Variants in KCNMB2 observed in about 807,000 individuals in gnomAD.
The protein encoded by KCNMB2 is calcium-activated potassium channel subunit beta-2.
KCNMB2 carries 9 observed loss-of-function variants against 24.5 expected under a neutral mutation model. That is an observed-to-expected ratio of 0.37 (90% CI 0.22 to 0.64). The LOEUF is 0.64. KCNMB2 is among the 30% of genes least tolerant of loss of function. The probability of loss-of-function intolerance (pLI) is 0.63; values close to 1 mark genes in which losing one functional copy is unlikely to be tolerated. For missense variants in KCNMB2, 226 were observed against 284.3 expected (o/e 0.79, Z 1.47); for synonymous variants, 109 against 104.4 (o/e 1.04, Z -0.27).
chr3:178,694,435 G>T (rs1721802728), intron 1 of KCNMB2, among the ~76,000 whole-genome samples: 1 of 152,096 alleles, frequency 6.6e-6, no homozygotes, highest in South Asian at 2.1e-4. Context: ...GTCCTCCAAA[G>T]TCTTAACTCA....
At chr3:178,785,088 A>G (rs1431601014) in intron 1 of KCNMB2, among the ~76,000 whole-genome samples, 1 of 152,010 alleles carries the variant, frequency 6.6e-6, no homozygotes, top group Non-Finnish European at 1.5e-5. Context: ...AAAAGAATTA[A>G]AGATGAAAAA....
intron 1 of KCNMB2, among the ~76,000 whole-genome samples, chr3:178,656,262 A>G (rs910725839): frequency 6.6e-6 from 1 of 152,206 alleles, no homozygotes; most frequent in Non-Finnish European, 1.5e-5. Flanking sequence ...TAATTCCCAA[A>G]TAAGTCCCAA....
At chr3:178,789,483 A>T (rs768725977) in intron 1 of KCNMB2, among the ~76,000 whole-genome samples, 3 of 152,228 alleles carry the variant, frequency 2.0e-5, no homozygotes, top group Non-Finnish European at 4.4e-5. Context: ...TTTTAAAATC[A>T]TAACAAGGAA....
chr3:178,655,089 GCTCTCCCTCTCTCTCTCTCTCTCTCT>G (rs1267082568), intron 1 of KCNMB2, among the ~76,000 whole-genome samples: 35 of 77,958 alleles, frequency 4.5e-4, no homozygotes, highest in Middle Eastern at 9.8e-3. Context: ...GTAAATATTA[GCTCTCCCTCTCTCTCTCTCTCTCTCT>G]CTCTCTCTCT....
intron 1 of KCNMB2, among the ~76,000 whole-genome samples, chr3:178,792,028 C>T (rs1250545679): frequency 6.6e-6 from 1 of 151,894 alleles, no homozygotes; most frequent in Non-Finnish European, 1.5e-5. Flanking sequence ...GGATGTTAAG[C>T]AATAAAAAAT....
chr3:178,568,543 A>G (rs975485007), intron 1 of KCNMB2, among the ~76,000 whole-genome samples: 3 of 152,222 alleles, frequency 2.0e-5, no homozygotes, highest in African/African-American at 7.2e-5. Flanking sequence ...TTCTGATGAC[A>G]TTCATGCTAT....
At position 178,723,599 on chromosome 3, in the gene KCNMB2, T is replaced by C. The variant is rs11927829; in HGVS notation, c.-67-83744T>C. Reference sequence around the variant, plus strand: ...AGGATCCTGTTGCCTAAGTAGTGAATATAGTACCTGATAGGTAGTTTTTCA... The same window carrying C: ...AGGATCCTGTTGCCTAAGTAGTGAACATAGTACCTGATAGGTAGTTTTTCA... On this transcript the variant is annotated intron_variant, in intron 1 of 4. Coordinates refer to ENST00000452583, the MANE Select transcript of KCNMB2 (RefSeq NM_181361.3). 1.4e-3 allele frequency among the ~76,000 whole-genome samples: 218 copies of C among 152,280 alleles called. 2 individuals carry two copies. The highest frequency in any genetic ancestry group is 4.9e-3 in the African/African-American group (205 of 41,568).
Position 178,579,438 on chromosome 3 carries a change from C to T in KCNMB2, c.-68+42727C>T, listed in dbSNP as rs184749796. ...AGCAGGAAAGATCTAAAATCAAGAC[C>T]CTAAAATGACAATTAAAAGAACTAG... On this transcript the variant is annotated intron_variant, in intron 1 of 4. Coordinates refer to ENST00000452583, the MANE Select transcript of KCNMB2 (RefSeq NM_181361.3). Among the ~76,000 whole-genome samples, 338 of 151,926 alleles carry T rather than the reference C, an allele frequency of 2.2e-3. 2 individuals are homozygous for T. Among genetic ancestry groups the T allele is most frequent in the Middle Eastern group, 6.8e-3 (2 of 294 alleles).
intron 1 of KCNMB2, among the ~76,000 whole-genome samples, chr3:178,650,052 T>C (rs750346574): frequency 6.6e-6 from 1 of 152,240 alleles, no homozygotes; most frequent in Non-Finnish European, 1.5e-5. Context: ...GTCTTTGTTC[T>C]CATTGGTTTC....
At chr3:178,632,903 T>A (rs890839870) in intron 1 of KCNMB2, among the ~76,000 whole-genome samples, 1 of 152,110 alleles carries the variant, frequency 6.6e-6, no homozygotes, top group African/African-American at 2.4e-5. Flanking sequence ...AGGTATTGGG[T>A]CAATACACCC....
chr3:178,775,143 G>A (rs894640835), intron 1 of KCNMB2, among the ~76,000 whole-genome samples: 2 of 152,152 alleles, frequency 1.3e-5, no homozygotes, highest in African/African-American at 4.8e-5. Flanking sequence ...ACTAATATAT[G>A]ATTCATACAA....
At chr3:178,774,431 G>C (rs1000458088) in intron 1 of KCNMB2, among the ~76,000 whole-genome samples, 1 of 152,176 alleles carries the variant, frequency 6.6e-6, no homozygotes, top group African/African-American at 2.4e-5. Flanking sequence ...CACGGTTTTG[G>C]GGAATCCATT....
At chr3:178,680,093 C>A (rs991037461) in intron 1 of KCNMB2, among the ~76,000 whole-genome samples, 2 of 152,086 alleles carry the variant, frequency 1.3e-5, no homozygotes, top group Non-Finnish European at 2.9e-5. Flanking sequence ...AGCTCTGGAG[C>A]ACCCCTCTGC....
intron 4 of KCNMB2, among the ~76,000 whole-genome samples, chr3:178,834,692 G>C (rs868741664): frequency 6.6e-6 from 1 of 152,046 alleles, no homozygotes. Context: ...CTGAAATTTG[G>C]CATTTGACAT....
At chr3:178,838,632 T>C (rs1466092896) in intron 4 of KCNMB2, among the ~76,000 whole-genome samples, 1 of 151,900 alleles carries the variant, frequency 6.6e-6, no homozygotes, top group Non-Finnish European at 1.5e-5. Flanking sequence ...AAAGAGTAAT[T>C]CAAATATATT....
chr3:178,719,434 GTGTGACT>G (rs1317471297), intron 1 of KCNMB2, among the ~76,000 whole-genome samples: 2 of 152,226 alleles, frequency 1.3e-5, no homozygotes, highest in Non-Finnish European at 2.9e-5. Flanking sequence ...GTAACAGCTT[GTGTGACT>G]CTGTTCTGGG....
chr3:178,806,556 T>C (rs1374358549), intron 1 of KCNMB2, among the ~76,000 whole-genome samples: 2 of 152,220 alleles, frequency 1.3e-5, no homozygotes, highest in East Asian at 3.9e-4. Flanking sequence ...AACTTTTATA[T>C]ATGATTAAGG....
intron 1 of KCNMB2, among the ~76,000 whole-genome samples, chr3:178,793,514 T>TGCG (rs1553778495): frequency 2.1e-5 from 3 of 145,730 alleles, no homozygotes; most frequent in Non-Finnish European, 4.6e-5. Flanking sequence ...CTCTTCACCC[T>TGCG]GGGGGGGTGG....
chr3:178,730,405 A>ACCCCCCCCCCCC (rs71181246), intron 1 of KCNMB2, among the ~76,000 whole-genome samples: 8 of 112,142 alleles, frequency 7.1e-5, no homozygotes, highest in Non-Finnish European at 1.3e-4. Context: ...GTCCCCCAAC[A>ACCCCCCCCCCCC]CCCCCCCACA....
Sources: allele counts gnomAD v4.1 joint callset (sites outside exome capture counted in the v4.1 genomes callset), GRCh38; gene constraint gnomAD v4.1.1; transcripts MANE v1.5; gene names NCBI Gene and HGNC (gene_info 2026-07-23, HGNC 2026-07-21).